Variants in PIK3C2G observed in about 807,000 individuals in gnomAD.
PIK3C2G encodes phosphatidylinositol-4-phosphate 3-kinase catalytic subunit type 2 gamma, also known as phosphatidylinositol 3-kinase C2 domain-containing subunit gamma.
A neutral mutation model predicts 181.1 loss-of-function variants in PIK3C2G; 168 were observed. The ratio of observed to expected loss-of-function variants is 0.93; its 90% CI spans 0.82 to 1.05. The LOEUF (loss-of-function observed/expected upper bound fraction) is 1.05. PIK3C2G is among the 50% of genes least tolerant of loss of function. PIK3C2G has a pLI of 0.00. For missense variants in PIK3C2G, 1,869 were observed against 1,732.8 expected, an observed-to-expected ratio of 1.08 and a Z score of -1.40; for synonymous variants, 573 against 592.2, an observed-to-expected ratio of 0.97 and a Z score of 0.47.
intron 11 of PIK3C2G, among the ~76,000 whole-genome samples, chr12:18,356,429 T>G (rs1689624453): frequency 6.6e-6 from 1 of 152,084 alleles, no homozygotes. Flanking sequence ...TAGAACTCCA[T>G]GTGGCCCCGT....
In PIK3C2G at chr12:18,282,626, T is replaced by C. The variant is rs1949268905; in HGVS notation, c.545T>C (p.Phe182Ser). The change falls in exon 2 of 33, where the codon TTC (phenylalanine) becomes TCC (serine). Residue 182 changes from phenylalanine (F) to serine (S), a missense_variant. By Grantham distance (155) the Phe-to-Ser change is radical. Transcript: ENST00000538779. ...AGCATTCCTCCAACAAATTCATCCT[T>C]CTCAAGTGACTTCATGCCGAAAGAA... ...ESSIPPTNSS[F>S]SSDFMPKEEN... The C allele has an allele frequency of 5.0e-6, 8 of 1,613,278 alleles. No individual in the cohort carries two copies. Among genetic ancestry groups the C allele is most frequent in the Non-Finnish European group, 6.8e-6 (8 of 1,179,430 alleles).
the PIK3C2G span, among the ~76,000 whole-genome samples, chr12:18,709,813 C>T: frequency 2.2e-4 from 34 of 152,180 alleles, 1 homozygote; most frequent in Middle Eastern, 6.8e-3. Flanking sequence ...TATCTTTTCA[C>T]GTATTTGTGT....
intron 18 of PIK3C2G, among the ~76,000 whole-genome samples, chr12:18,461,358 C>A (rs755795251): frequency 5.9e-5 from 9 of 152,084 alleles, no homozygotes; most frequent in Non-Finnish European, 1.0e-4. Flanking sequence ...AATATTGTTT[C>A]CAGTATTTTC....
chr12:18,476,935 A>C (rs1406527385), intron 18 of PIK3C2G, among the ~76,000 whole-genome samples: 1 of 152,050 alleles, frequency 6.6e-6, no homozygotes, highest in Admixed American at 6.6e-5. Flanking sequence ...AGAATACCAC[A>C]GATTGGGTGA....
chr12:18,351,245 CAT>C (rs1484459861), intron 11 of PIK3C2G, among the ~76,000 whole-genome samples: 1 of 151,912 alleles, frequency 6.6e-6, no homozygotes, highest in Middle Eastern at 3.4e-3. Flanking sequence ...ATATAATAAA[CAT>C]ATGGAATATG....
upstream of PIK3C2G, among the ~76,000 whole-genome samples, chr12:18,245,419 C>T (rs552923128): frequency 1.3e-5 from 2 of 151,876 alleles, no homozygotes; most frequent in African/African-American, 4.8e-5. Flanking sequence ...GTTAGATTTC[C>T]TTTGAATATT....
chr12:18,500,619 G>C (rs1303759498), intron 22 of PIK3C2G, among the ~76,000 whole-genome samples: 2 of 152,184 alleles, frequency 1.3e-5, no homozygotes, highest in African/African-American at 4.8e-5. Context: ...GAGTCTGGTA[G>C]GGACGTGAAC....
chr12:18,599,641 A>G (rs1947591471), intron 30 of PIK3C2G, among the ~76,000 whole-genome samples: 1 of 151,786 alleles, frequency 6.6e-6, no homozygotes. Flanking sequence ...TAAAACTTAA[A>G]GTATAATAAT....
intron 16 of PIK3C2G, among the ~76,000 whole-genome samples, chr12:18,408,442 A>T (rs1253921954): frequency 1.3e-5 from 2 of 152,148 alleles, no homozygotes; most frequent in East Asian, 1.9e-4. Flanking sequence ...TGGTACCAGT[A>T]CCATGCTGTT....
intron 2 of PIK3C2G, among the ~76,000 whole-genome samples, 200 bp downstream of exon 2, chr12:18,282,959 C>T (rs999761264): frequency 6.7e-6 from 1 of 149,510 alleles, no homozygotes; most frequent in Non-Finnish European, 1.5e-5. Context: ...AAAAAAAAAT[C>T]ATCTATAAAG....
At chr12:18,693,656 AG>A in the PIK3C2G span, 2 of 1,565,244 alleles carry the variant, frequency 1.3e-6, no homozygotes, top group Non-Finnish European at 1.8e-6. Flanking sequence ...TGGGACAAAA[AG>A]ATATGACTCC....
chr12:18,433,696 A>G (rs1227451774), intron 18 of PIK3C2G, among the ~76,000 whole-genome samples: 1 of 152,198 alleles, frequency 6.6e-6, no homozygotes, highest in Non-Finnish European at 1.5e-5. Context: ...TCTCAAAAAC[A>G]CTGTTCAATT....
intron 3 of PIK3C2G, among the ~76,000 whole-genome samples, chr12:18,288,670 A>G (rs1212356652): frequency 6.6e-6 from 1 of 152,202 alleles, no homozygotes; most frequent in South Asian, 2.1e-4. Flanking sequence ...TTGCTACTTT[A>G]AGTCTAAAAT....
intron 24 of PIK3C2G, among the ~76,000 whole-genome samples, chr12:18,506,659 A>G (rs1941856919): frequency 6.6e-6 from 1 of 152,230 alleles, no homozygotes; most frequent in Non-Finnish European, 1.5e-5. Flanking sequence ...ATTTACTGAA[A>G]TAAGGAATAC....
chr12:18,533,081 A>T (rs968445578), intron 24 of PIK3C2G, among the ~76,000 whole-genome samples: 2 of 151,974 alleles, frequency 1.3e-5, no homozygotes, highest in Non-Finnish European at 1.5e-5. Flanking sequence ...TGTCAGAGTC[A>T]CCTTATGTTT....
the PIK3C2G span, among the ~76,000 whole-genome samples, chr12:18,654,998 G>A: frequency 6.6e-6 from 1 of 151,630 alleles, no homozygotes; most frequent in Admixed American, 6.6e-5. Flanking sequence ...ATAAGAAGCT[G>A]AATAAAAAGT....
chr12:18,563,202 ACT>A (rs1945439770), intron 27 of PIK3C2G, among the ~76,000 whole-genome samples, 173 bp from the exon 28 acceptor site: 1 of 152,104 alleles, frequency 6.6e-6, no homozygotes, highest in Non-Finnish European at 1.5e-5. Flanking sequence ...CAATTGTGAT[ACT>A]CTTAGATATT....
At position 18,286,902 on chromosome 12, in the gene PIK3C2G, T is replaced by TG; in HGVS notation, c.736dup (p.Ala246GlyfsTer18). On this transcript the variant is annotated frameshift_variant, in exon 3 of 33. Coordinates refer to ENST00000538779, the MANE Select transcript of PIK3C2G (RefSeq NM_001288772.2). LOFTEE classifies it high-confidence loss of function. ...GTACCTCAAAGCAGCAATACGAGTC[T>TG]GGCCTCTTTTTGCAACAAAGTAAAA... The TG allele has an allele frequency of 6.4e-7, 1 of 1,572,028 alleles. No homozygotes were observed. The highest frequency in any genetic ancestry group is 1.4e-5 in the African/African-American group (1 of 73,720).
intron 1 of PIK3C2G, among the ~76,000 whole-genome samples, chr12:18,266,949 C>T (rs1948528171): frequency 6.6e-6 from 1 of 151,966 alleles, no homozygotes; most frequent in Admixed American, 6.6e-5. Context: ...GTACCATATA[C>T]ATATGCAGAT....
Sources: gnomAD v4.1 joint callset for allele counts (sites outside exome capture counted in the v4.1 genomes callset) on GRCh38, gnomAD v4.1.1 for gene constraint, MANE v1.5 for transcripts, NCBI Gene and HGNC (gene_info 2026-07-23, HGNC 2026-07-21) for gene names.